ACADSB: variants seen among roughly 807,000 people sequenced by gnomAD.
ACADSB encodes the protein short/branched chain specific acyl-CoA dehydrogenase, mitochondrial.
Under a neutral mutation model 54.1 loss-of-function variants are expected in ACADSB, and 40 were observed. That is an observed-to-expected ratio of 0.74 (90% CI 0.57 to 0.96). The LOEUF (loss-of-function observed/expected upper bound fraction) is 0.96, where lower values mean the gene tolerates loss of function less well. ACADSB is among the 40% of genes least tolerant of loss of function. ACADSB has a pLI of 0.00. For missense variants in ACADSB, 530 were observed against 510.4 expected (o/e 1.04, Z -0.37); for synonymous variants, 182 against 182.8 (o/e 1.00, Z 0.03).
chr10:123,034,656 C>T, intron 2 of ACADSB, 141 bp downstream of exon 2: 1 of 853,138 alleles, frequency 1.2e-6, no homozygotes, highest in South Asian at 1.4e-5. Flanking sequence ...AAAAATATCA[C>T]CTTATTATTC....
At chr10:123,031,761 T>A (rs1850330144) in intron 1 of ACADSB, among the ~76,000 whole-genome samples, 1 of 152,236 alleles carries the variant, frequency 6.6e-6, no homozygotes, top group Non-Finnish European at 1.5e-5. Flanking sequence ...TCAATAATTT[T>A]ACCCTGTGAT....
intron 5 of ACADSB, among the ~76,000 whole-genome samples, chr10:123,042,532 C>T (rs1240255892): frequency 7.0e-6 from 1 of 143,498 alleles, no homozygotes; most frequent in East Asian, 2.0e-4. Flanking sequence ...GTGATCCCAG[C>T]TCACTGCAAC....
intron 1 of ACADSB, among the ~76,000 whole-genome samples, chr10:123,020,436 A>G (rs1221394916): frequency 6.6e-6 from 1 of 152,174 alleles, no homozygotes; most frequent in Non-Finnish European, 1.5e-5. Context: ...GGGATTCCAA[A>G]TGGGTCGCTG....
chr10:123,013,491 G>A (rs1164802321), intron 1 of ACADSB, among the ~76,000 whole-genome samples: 4 of 152,234 alleles, frequency 2.6e-5, no homozygotes, highest in South Asian at 2.1e-4. Flanking sequence ...CCAGTCTCGC[G>A]CCTCGTGCCT....
At chr10:123,025,368 G>A (rs1217017939) in intron 1 of ACADSB, among the ~76,000 whole-genome samples, 3 of 152,140 alleles carry the variant, frequency 2.0e-5, no homozygotes, top group African/African-American at 7.2e-5. Context: ...GAAGGCTGAG[G>A]TGGGAGGATC....
chr10:123,044,181 A>G (rs564749997), intron 6 of ACADSB, among the ~76,000 whole-genome samples: 183 of 152,330 alleles, frequency 1.2e-3, no homozygotes, highest in Non-Finnish European at 2.0e-3. Flanking sequence ...TACCTGTGCA[A>G]GGCTCTGGAG....
In ACADSB at chr10:123,009,053, G is replaced by A; in HGVS notation, c.24G>A (p.Leu8=). 1 of 1,547,864 alleles carries A rather than the reference G, an allele frequency of 6.5e-7. No homozygotes were observed. Among genetic ancestry groups the A allele is most frequent in the Non-Finnish European group, 8.7e-7 (1 of 1,146,790 alleles). ...GGATGGAGGGCCTGGCAGTGCGGTT[G>A]CTGCGCGGCAGCAGGCTGGTGAGTG... The part of the protein sequence containing the change: MEGLAVR[L]LRGSRLLRRN... Residue 8 remains leucine, a synonymous_variant, in exon 1 of 11, where the codon TTG becomes TTA. Transcript: ENST00000358776.
intron 1 of ACADSB, among the ~76,000 whole-genome samples, chr10:123,033,918 C>A (rs1340212197): frequency 6.6e-6 from 1 of 152,154 alleles, no homozygotes; most frequent in African/African-American, 2.4e-5. Context: ...GCAGGTAGCT[C>A]TATGTCCTCC....
intron 1 of ACADSB, among the ~76,000 whole-genome samples, chr10:123,010,914 T>C (rs151167742): frequency 1.2e-3 from 185 of 152,266 alleles, no homozygotes; most frequent in Non-Finnish European, 2.2e-3. Context: ...ATTCAGAAGA[T>C]AGAAATGACT....
chr10:123,057,624 A>G lies in ACADSB; in HGVS notation c.*3859A>G, dbSNP rs1299546644. 1 of 152,210 alleles carries G rather than the reference A, an allele frequency of 6.6e-6. No homozygotes were observed. The highest frequency in any genetic ancestry group is 2.4e-5 in the African/African-American group (1 of 41,454). 9.4% of individuals were successfully genotyped at this position (152,210 alleles called of 1,614,324 possible). A position where few individuals can be genotyped will look rare whatever the true frequency, so the allele number is the denominator to read the frequency against. ...AGCAGATGTGTGTGGGTGGCACTGG[A>G]TTCCACCCAACTGCCAAGTTAGTAT... On this transcript the variant is annotated 3_prime_UTR_variant, in exon 11 of 11. Coordinates refer to ENST00000358776, the MANE Select transcript of ACADSB (RefSeq NM_001609.4).
intron 1 of ACADSB, among the ~76,000 whole-genome samples, chr10:123,023,349 A>C (rs1850208104): frequency 6.6e-6 from 1 of 152,196 alleles, no homozygotes; most frequent in East Asian, 1.9e-4. Context: ...GTTTATACTT[A>C]AGTCATGTGA....
intron 10 of ACADSB, 93 bp from the exon 11 acceptor site, chr10:123,053,602 T>C: frequency 3.7e-6 from 4 of 1,089,072 alleles, no homozygotes; most frequent in Non-Finnish European, 2.8e-6. Flanking sequence ...GTAACTGTTT[T>C]ATAGCAAGCG....
chr10:123,042,396 A>AT (rs1398679945), intron 5 of ACADSB, among the ~76,000 whole-genome samples: 3 of 150,908 alleles, frequency 2.0e-5, no homozygotes, highest in South Asian at 2.1e-4. Flanking sequence ...TAATAAATAC[A>AT]TTTTTTCACC....
intron 3 of ACADSB, among the ~76,000 whole-genome samples, 158 bp from the exon 4 acceptor site, chr10:123,040,308 G>A (rs1045060371): frequency 3.3e-5 from 5 of 151,794 alleles, no homozygotes; most frequent in Admixed American, 6.6e-5. Context: ...CTGAGATTGC[G>A]CCATTGCACT....
chr10:123,031,338 T>G (rs1443764984), intron 1 of ACADSB, among the ~76,000 whole-genome samples: 1 of 152,238 alleles, frequency 6.6e-6, no homozygotes, highest in South Asian at 2.1e-4. Flanking sequence ...GCAACAGAAC[T>G]CTGGTCAGTT....
At chr10:123,050,064 G>A (rs533150042) in intron 8 of ACADSB, among the ~76,000 whole-genome samples, 2 of 152,168 alleles carry the variant, frequency 1.3e-5, no homozygotes, top group African/African-American at 2.4e-5. Flanking sequence ...TTGTACATAC[G>A]AAATTGTTGT....
intron 4 of ACADSB, 128 bp from the exon 5 acceptor site, chr10:123,041,081 C>T: frequency 9.4e-7 from 1 of 1,061,742 alleles, no homozygotes; most frequent in Non-Finnish European, 1.4e-6. Context: ...TTGCTATTTT[C>T]ATAAATATAG....
intron 2 of ACADSB, 40 bp from the exon 3 acceptor site, chr10:123,037,707 C>T: frequency 2.2e-6 from 3 of 1,394,810 alleles, no homozygotes; most frequent in Non-Finnish European, 3.1e-6. Flanking sequence ...ATGTGACTGT[C>T]ACTTTAACAT....
chr10:123,041,134 A>AT, intron 4 of ACADSB, 75 bp from the exon 5 acceptor site: 1 of 1,493,118 alleles, frequency 6.7e-7, no homozygotes, highest in Admixed American at 1.7e-5. Flanking sequence ...ACAAATGTCC[A>AT]TTTTTCCATA....
Sources: allele counts gnomAD v4.1 joint callset (sites outside exome capture counted in the v4.1 genomes callset), GRCh38; gene constraint gnomAD v4.1.1; transcripts MANE v1.5; gene names NCBI Gene and HGNC (gene_info 2026-07-23, HGNC 2026-07-21).